The following SAMD12 variants were observed in gnomAD, a reference collection of about 807,000 sequenced individuals.
SAMD12 encodes sterile alpha motif domain-containing protein 12.
A neutral mutation model predicts 15.0 loss-of-function variants in SAMD12; 9 were observed. That is an observed-to-expected ratio of 0.60 (90% CI 0.36 to 1.05). SAMD12 has a LOEUF of 1.05. SAMD12 is among the 50% of genes least tolerant of loss of function. The probability of loss-of-function intolerance (pLI) is 0.01; values close to 1 mark genes in which losing one functional copy is unlikely to be tolerated. For missense variants in SAMD12, 230 were observed against 234.2 expected (o/e 0.98, Z 0.12); for synonymous variants, 86 against 90.1 (o/e 0.96, Z 0.25).
intron 3 of SAMD12, among the ~76,000 whole-genome samples, chr8:118,388,986 G>A (rs1022626214): frequency 1.3e-5 from 2 of 152,190 alleles, no homozygotes; most frequent in African/African-American, 4.8e-5. Flanking sequence ...GGTTATGTGA[G>A]TCAATATGTG....
the SAMD12 span, among the ~76,000 whole-genome samples, chr8:118,165,614 G>A: frequency 2.9e-3 from 352 of 120,434 alleles, 3 homozygotes; most frequent in Middle Eastern, 8.3e-3. Flanking sequence ...ATATATATAT[G>A]TATATATATA....
chr8:118,407,444 C>T (rs980973824), intron 3 of SAMD12, among the ~76,000 whole-genome samples: 1 of 152,084 alleles, frequency 6.6e-6, no homozygotes, highest in African/African-American at 2.4e-5. Context: ...TTTTCATATG[C>T]AGGTAACACT....
At chr8:118,450,730 A>G (rs560839679) in intron 2 of SAMD12, among the ~76,000 whole-genome samples, 2 of 152,042 alleles carry the variant, frequency 1.3e-5, no homozygotes, top group Admixed American at 6.5e-5. Context: ...GATGGCATCT[A>G]TTTTTCCACC....
intron 4 of SAMD12, among the ~76,000 whole-genome samples, chr8:118,294,199 G>A (rs1814581444): frequency 6.6e-6 from 1 of 152,130 alleles, no homozygotes; most frequent in African/African-American, 2.4e-5. Flanking sequence ...GGAGAGAAAA[G>A]CCCTTCCTTC....
chr8:118,570,256 T>C (rs958562841), intron 2 of SAMD12, among the ~76,000 whole-genome samples: 10 of 152,210 alleles, frequency 6.6e-5, no homozygotes, highest in African/African-American at 2.4e-4. Context: ...AGGTTTGTTA[T>C]ATAGGTAAAC....
At chr8:118,424,895 G>C (rs1056732441) in intron 3 of SAMD12, among the ~76,000 whole-genome samples, 2 of 151,886 alleles carry the variant, frequency 1.3e-5, no homozygotes, top group African/African-American at 2.4e-5. Context: ...GCTCTGTAAG[G>C]ATGGGAACTC....
chr8:118,147,831 C>T, the SAMD12 span, among the ~76,000 whole-genome samples: 1 of 152,026 alleles, frequency 6.6e-6, no homozygotes, highest in African/African-American at 2.4e-5. Context: ...CTCACTGTAA[C>T]CTCAAACTCC....
chr8:118,483,443 C>T (rs574525078), intron 2 of SAMD12, among the ~76,000 whole-genome samples: 209 of 152,304 alleles, frequency 1.4e-3, no homozygotes, highest in Non-Finnish European at 2.1e-3. Flanking sequence ...TGGTCATTTA[C>T]AATTTGCTTT....
intron 2 of SAMD12, among the ~76,000 whole-genome samples, chr8:118,525,283 C>T: frequency 6.6e-6 from 1 of 152,140 alleles, no homozygotes; most frequent in East Asian, 1.9e-4. Flanking sequence ...GTTTGTTAAC[C>T]AGGCCTTCCC....
At chr8:118,174,285 G>T in the SAMD12 span, among the ~76,000 whole-genome samples, 1 of 152,192 alleles carries the variant, frequency 6.6e-6, no homozygotes, top group African/African-American at 2.4e-5. Context: ...GAGACTGAAG[G>T]CTCCCTGTTT....
intron 2 of SAMD12, among the ~76,000 whole-genome samples, chr8:118,487,123 C>A (rs1182876533): frequency 6.6e-6 from 1 of 152,118 alleles, no homozygotes; most frequent in Non-Finnish European, 1.5e-5. Context: ...GAATCCCCAG[C>A]ACAAGTGTTC....
At chr8:118,605,135 T>G (rs931604161) in intron 1 of SAMD12, among the ~76,000 whole-genome samples, 3 of 152,108 alleles carry the variant, frequency 2.0e-5, no homozygotes, top group Non-Finnish European at 4.4e-5. Context: ...CTAGAAAAGC[T>G]AAGTGTTTTC....
At chr8:118,230,146 G>A (rs955874555) in intron 4 of SAMD12, among the ~76,000 whole-genome samples, 1 of 152,116 alleles carries the variant, frequency 6.6e-6, no homozygotes, top group Non-Finnish European at 1.5e-5. Flanking sequence ...AGGAGCCAAC[G>A]TTTAATGAGG....
chr8:118,335,946 A>T (rs1817036700), intron 4 of SAMD12, among the ~76,000 whole-genome samples: 1 of 152,132 alleles, frequency 6.6e-6, no homozygotes, highest in African/African-American at 2.4e-5. Context: ...GCTGGTCTCT[A>T]ACTCCTGGGC....
the SAMD12 span, among the ~76,000 whole-genome samples, chr8:118,165,611 TA>T: frequency 5.9e-5 from 1 of 16,938 alleles, no homozygotes; most frequent in African/African-American, 1.5e-4. Flanking sequence ...TACATATATA[TA>T]TGTATATATA....
downstream of SAMD12, among the ~76,000 whole-genome samples, chr8:118,187,128 C>T (rs1399266302): frequency 1.3e-5 from 2 of 152,196 alleles, no homozygotes; most frequent in Non-Finnish European, 2.9e-5. Context: ...AACTTTTCAA[C>T]TTCTCGTGAG....
chr8:118,446,236 A>C (rs1213929521), intron 2 of SAMD12, among the ~76,000 whole-genome samples: 1 of 150,934 alleles, frequency 6.6e-6, no homozygotes, highest in Non-Finnish European at 1.5e-5. Context: ...AGGAGATAAG[A>C]CTAGAGGATT....
intron 4 of SAMD12, among the ~76,000 whole-genome samples, chr8:118,228,876 C>T (rs573179449): frequency 4.1e-4 from 63 of 152,178 alleles, no homozygotes; most frequent in African/African-American, 1.0e-3. Flanking sequence ...TGCTAAATCG[C>T]GGAACAAATA....
intron 1 of SAMD12, 116 bp from the exon 2 acceptor site, chr8:118,581,009 G>A (rs1468490229): frequency 1.0e-5 from 7 of 697,954 alleles, no homozygotes; most frequent in Non-Finnish European, 1.6e-5. Flanking sequence ...TGAGTCGAGA[G>A]GTGGTGTGAT....
Sources: allele counts gnomAD v4.1 joint callset (sites outside exome capture counted in the v4.1 genomes callset), GRCh38; gene constraint gnomAD v4.1.1; transcripts MANE v1.5; gene names NCBI Gene and HGNC (gene_info 2026-07-23, HGNC 2026-07-21).